Variants in GALNT14 observed in about 807,000 individuals in gnomAD.
The protein encoded by GALNT14 is polypeptide N-acetylgalactosaminyltransferase 14.
In GALNT14, 60 loss-of-function variants were observed where a neutral mutation model predicts 77.5. That is an observed-to-expected ratio of 0.77 (90% CI 0.63 to 0.96). The LOEUF is 0.96. Among genes scored for constraint, GALNT14 ranks in the 40% least tolerant of loss-of-function variants. GALNT14 has a pLI of 0.00. For missense variants in GALNT14, 710 were observed against 731.0 expected (o/e 0.97, Z 0.33); for synonymous variants, 280 against 281.7 (o/e 0.99, Z 0.06).
rs1259191198 is a variant in GALNT14, at chr2:30,944,874, G to C, written c.811C>G (p.Pro271Ala). 6.2e-7 allele frequency: 1 copy of C among 1,608,906 alleles called. No homozygotes were observed. Among genetic ancestry groups the C allele is most frequent in the Non-Finnish European group, 8.5e-7 (1 of 1,176,520 alleles). The change falls in exon 8 of 15, where the codon CCC becomes GCC. Residue 271 changes from proline to alanine, a missense_variant. By Grantham distance (27) the Pro-to-Ala change is conservative (BLOSUM62 -1). Coordinates refer to ENST00000349752, the MANE Select transcript of GALNT14 (RefSeq NM_024572.4). ...CCCACTTACCTGATGGGCTCCGTGG[G>C]GTCCAGGCGCCGAGCCTTCTGCTCT... is the stretch of plus-strand genomic sequence containing the variant. ...SPEQKARRLD[P>A]TEPIRTPIIA...
At chr2:31,015,863 A>G (rs1671319115) in intron 1 of GALNT14, among the ~76,000 whole-genome samples, 1 of 152,242 alleles carries the variant, frequency 6.6e-6, no homozygotes, top group African/African-American at 2.4e-5. Context: ...TATTACAATT[A>G]AATGCAAGGT....
intron 1 of GALNT14, among the ~76,000 whole-genome samples, chr2:31,076,762 A>G (rs1034724935): frequency 2.6e-5 from 4 of 152,096 alleles, no homozygotes; most frequent in African/African-American, 9.7e-5. Context: ...AAAGGTAGGG[A>G]ATGATATGAT....
Position 30,920,603 on chromosome 2 carries a change from A to G in GALNT14, c.1380+3516T>C, listed in dbSNP as rs532491039. 1.1e-3 allele frequency among the ~76,000 whole-genome samples: 167 copies of G among 151,934 alleles called. 2 individuals carry two copies. In the South Asian group the frequency reaches 0.033, roughly 30 times the overall value. On this transcript the variant is annotated intron_variant, in intron 13 of 14. Coordinates refer to ENST00000349752, the MANE Select transcript of GALNT14 (RefSeq NM_024572.4). Reference sequence around the variant, plus strand: ...ACACTGAAAAGAAGAGAAAGGCCATATAAGTCAGTCCTATGAGAGTGTATG... The same window carrying G: ...ACACTGAAAAGAAGAGAAAGGCCATGTAAGTCAGTCCTATGAGAGTGTATG...
Position 31,027,515 on chromosome 2 carries a change from C to T in GALNT14, c.130-34508G>A, listed in dbSNP as rs554214102. On this transcript the variant is annotated intron_variant, in intron 1 of 14. Transcript: ENST00000349752. Reference sequence around the variant, plus strand: ...CTCTTCAGAGACCATATACCTTCAACCTCAAGGGTCTTAGCATAGTGCAAA... The same window carrying T: ...CTCTTCAGAGACCATATACCTTCAATCTCAAGGGTCTTAGCATAGTGCAAA... Among the ~76,000 whole-genome samples, 7 of 151,688 alleles carry T rather than the reference C, an allele frequency of 4.6e-5. No individual in the cohort carries two copies. In the South Asian group the frequency reaches 1.5e-3, roughly 32 times the overall value.
chr2:30,895,448 G>A, the GALNT14 span, among the ~76,000 whole-genome samples: 1 of 152,142 alleles, frequency 6.6e-6, no homozygotes, highest in African/African-American at 2.4e-5. Flanking sequence ...CTCCTGCTGG[G>A]GGCACAGAAA....
the GALNT14 span, among the ~76,000 whole-genome samples, chr2:30,898,743 G>A: frequency 6.6e-6 from 1 of 152,116 alleles, no homozygotes; most frequent in Non-Finnish European, 1.5e-5. Context: ...AGATGTTTCT[G>A]CCACTCAGTT....
At position 31,049,966 on chromosome 2, in the gene GALNT14, G is replaced by T. The variant is rs184892660; in HGVS notation, c.130-56959C>A. 9.5e-4 allele frequency among the ~76,000 whole-genome samples: 144 copies of T among 152,318 alleles called. 1 individual carries two copies. The highest frequency in any genetic ancestry group is 3.4e-3 in the African/African-American group (142 of 41,572). ...AAAAGTATGGGACCAGGAGGTAGGG[G>T]TGGGAGGGCCAAATGAACAGAAAAT... On this transcript the variant is annotated intron_variant, in intron 1 of 14. Transcript: ENST00000349752.
At chr2:31,045,738 C>T (rs1338907717) in intron 1 of GALNT14, among the ~76,000 whole-genome samples, 1 of 152,190 alleles carries the variant, frequency 6.6e-6, no homozygotes, top group African/African-American at 2.4e-5. Context: ...GCTGGGATTA[C>T]AGGAACAAGC....
chr2:30,919,964 T>C (rs576793872), intron 13 of GALNT14, among the ~76,000 whole-genome samples: 6 of 152,262 alleles, frequency 3.9e-5, no homozygotes, highest in Admixed American at 1.3e-4. Context: ...CCTTCGTTCA[T>C]CTTTTCATAA....
At chr2:30,993,445 C>T (rs977399969) in intron 1 of GALNT14, among the ~76,000 whole-genome samples, 1 of 152,222 alleles carries the variant, frequency 6.6e-6, no homozygotes, top group African/African-American at 2.4e-5. Flanking sequence ...CTGAGAATAC[C>T]TGGTATGAAA....
chr2:31,112,519 C>T (rs1677892981), intron 1 of GALNT14, among the ~76,000 whole-genome samples: 1 of 152,240 alleles, frequency 6.6e-6, no homozygotes, highest in Non-Finnish European at 1.5e-5. Context: ...TCTCTCAAAT[C>T]CCTCCTCATG....
At chr2:31,038,084 AT>A (rs1196402402) in intron 1 of GALNT14, among the ~76,000 whole-genome samples, 638 of 52,132 alleles carry the variant, frequency 0.012, 7 homozygotes, top group East Asian at 0.047. Flanking sequence ...ATATATATAT[AT>A]TTTTTTTTTT....
chr2:31,105,580 G>T (rs538264612), intron 1 of GALNT14, among the ~76,000 whole-genome samples: 1 of 152,194 alleles, frequency 6.6e-6, no homozygotes, highest in Non-Finnish European at 1.5e-5. Context: ...ACAAAAATTA[G>T]CCAGGTGTGG....
intron 1 of GALNT14, among the ~76,000 whole-genome samples, chr2:30,995,130 TTGTGTG>T (rs3058232): frequency 0.026 from 3,762 of 144,054 alleles, 61 homozygotes; most frequent in African/African-American, 0.043. Flanking sequence ...AGAACCAATG[TTGTGTG>T]TGTGTGTGTG....
intron 13 of GALNT14, 72 bp downstream of exon 13, chr2:30,924,047 T>C: frequency 6.5e-7 from 1 of 1,535,638 alleles, no homozygotes; most frequent in Non-Finnish European, 9.0e-7. Flanking sequence ...GAGCAGGTGA[T>C]GGAGGCAGAG....
chr2:30,905,248 C>T, the GALNT14 span, among the ~76,000 whole-genome samples: 16 of 152,122 alleles, frequency 1.1e-4, no homozygotes, highest in Admixed American at 3.3e-4. Flanking sequence ...AGCCTTCAGA[C>T]GATCAAATTA....
At chr2:31,017,334 G>A (rs1009012086) in intron 1 of GALNT14, among the ~76,000 whole-genome samples, 2 of 152,148 alleles carry the variant, frequency 1.3e-5, no homozygotes, top group African/African-American at 4.8e-5. Flanking sequence ...GCCCACAATA[G>A]GCATTGCTGA....
At chr2:30,964,225 G>A (rs967920351) in intron 3 of GALNT14, among the ~76,000 whole-genome samples, 2 of 152,168 alleles carry the variant, frequency 1.3e-5, no homozygotes, top group Admixed American at 6.5e-5. Context: ...AGTCATGACC[G>A]GTGGAGCAGC....
At chr2:31,041,543 C>T (rs1673093814) in intron 1 of GALNT14, among the ~76,000 whole-genome samples, 1 of 152,040 alleles carries the variant, frequency 6.6e-6, no homozygotes, top group African/African-American at 2.4e-5. Flanking sequence ...CCTCATGGTA[C>T]ATGAGGATGT....
Sources: allele counts gnomAD v4.1 joint callset (sites outside exome capture counted in the v4.1 genomes callset), GRCh38; gene constraint gnomAD v4.1.1; transcripts MANE v1.5; gene names NCBI Gene and HGNC (gene_info 2026-07-23, HGNC 2026-07-21).